Variants in SPAG17 observed in about 807,000 individuals in gnomAD.
The protein encoded by SPAG17 is sperm associated antigen 17, also known as sperm-associated antigen 17.
A neutral mutation model predicts 273.6 loss-of-function variants in SPAG17; 169 were observed. The ratio of observed to expected loss-of-function variants is 0.62; its 90% CI spans 0.55 to 0.70. The LOEUF is 0.70. Ranked by LOEUF, SPAG17 falls within the 30% of genes least tolerant of loss-of-function variation. The pLI is 0.00. For missense variants in SPAG17, 2,557 were observed against 2,627.8 expected, an observed-to-expected ratio of 0.97 and a Z score of 0.59; for synonymous variants, 825 against 873.2, an observed-to-expected ratio of 0.94 and a Z score of 0.97.
chr1:118,079,886 A>T (rs1654398456), intron 15 of SPAG17, among the ~76,000 whole-genome samples: 2 of 151,866 alleles, frequency 1.3e-5, no homozygotes, highest in African/African-American at 4.8e-5. Context: ...GTGTTGTTTA[A>T]TATGTTAAAT....
chr1:118,042,002 C>G lies in SPAG17; in HGVS notation c.2855G>C (p.Arg952Pro), dbSNP rs200995274. ...EEQHRLAEEE[R>P]LREEKKAEKK... ...CTCTGCTTTCTTTTCTTCCCTTAAG[C>G]GCTCCTCTTCTGCTAATCGATGTTG... Residue 952 changes from arginine (R) to proline (P), a missense_variant, in exon 21 of 49, where the codon CGC becomes CCC. Transcript: ENST00000336338. 52 of 1,613,608 alleles carry G rather than the reference C, an allele frequency of 3.2e-5. 1 individual carries two copies. The highest frequency in any genetic ancestry group is 4.2e-5 in the Non-Finnish European group (50 of 1,179,898).
At chr1:117,995,695 AACACACACAC>A (rs10570645) in intron 34 of SPAG17, among the ~76,000 whole-genome samples, 83 of 140,828 alleles carry the variant, frequency 5.9e-4, no homozygotes, top group Middle Eastern at 3.5e-3. Context: ...AAGATGAAAT[AACACACACAC>A]ACACACACAC....
intron 1 of SPAG17, among the ~76,000 whole-genome samples, chr1:118,155,234 A>G (rs1216842423): frequency 2.0e-5 from 3 of 152,208 alleles, no homozygotes; most frequent in Admixed American, 6.5e-5. Flanking sequence ...CTTACATAGT[A>G]GTCTCCTAAG....
In SPAG17 at chr1:118,137,771, G is replaced by A. The variant is rs577780741; in HGVS notation, c.315+12772C>T. ...ATTCATTCATTCAAATTAATATTGAGTGCCTATAATATGCACAGTACCTTT... is the reference window on the plus strand; with the variant it reads ...ATTCATTCATTCAAATTAATATTGAATGCCTATAATATGCACAGTACCTTT... On this transcript the variant is annotated intron_variant, in intron 3 of 48. Transcript: ENST00000336338. Among the ~76,000 whole-genome samples the A allele has an allele frequency of 4.6e-5, 7 of 152,124 alleles. No homozygotes were observed. In the South Asian group the frequency reaches 1.0e-3, roughly 23 times the overall value.
intron 18 of SPAG17, among the ~76,000 whole-genome samples, chr1:118,059,111 A>G (rs746591815): frequency 3.3e-5 from 5 of 152,188 alleles, no homozygotes; most frequent in Non-Finnish European, 7.4e-5. Context: ...AAATTACTCA[A>G]ATTGATTGAA....
chr1:117,969,253 T>C (rs1272622142), intron 46 of SPAG17, among the ~76,000 whole-genome samples: 1 of 152,154 alleles, frequency 6.6e-6, no homozygotes, highest in Non-Finnish European at 1.5e-5. Flanking sequence ...TTCAGAGATC[T>C]TTGGAGAAAT....
At chr1:118,176,365 A>C (rs900709156) in intron 1 of SPAG17, among the ~76,000 whole-genome samples, 1 of 152,204 alleles carries the variant, frequency 6.6e-6, no homozygotes, top group Non-Finnish European at 1.5e-5. Context: ...CCTGAAAGTG[A>C]AGAGGTATTT....
chr1:118,051,426 A>C (rs1650994599), intron 20 of SPAG17, among the ~76,000 whole-genome samples: 1 of 152,028 alleles, frequency 6.6e-6, no homozygotes, highest in African/African-American at 2.4e-5. Context: ...GTATCCTGAG[A>C]AGGTATCTGC....
intron 30 of SPAG17, among the ~76,000 whole-genome samples, chr1:118,010,494 G>A (rs1409875991): frequency 6.6e-6 from 1 of 152,170 alleles, no homozygotes; most frequent in Non-Finnish European, 1.5e-5. Flanking sequence ...ATGGTACTGA[G>A]ATAAATGGCT....
At chr1:118,074,202 A>C (rs143581975) in intron 16 of SPAG17, among the ~76,000 whole-genome samples, 57 of 152,120 alleles carry the variant, frequency 3.7e-4, no homozygotes, top group African/African-American at 1.4e-3. Flanking sequence ...TACTCTTCTG[A>C]GTCCTGTTAG....
intron 43 of SPAG17, among the ~76,000 whole-genome samples, chr1:117,976,425 T>C (rs991859692): frequency 3.9e-5 from 6 of 152,232 alleles, no homozygotes; most frequent in African/African-American, 1.4e-4. Context: ...CCATTGAGGA[T>C]GGCTTCCCTG....
chr1:118,025,558 A>G (rs1416251334), intron 26 of SPAG17, 142 bp from the exon 27 acceptor site: 4 of 676,684 alleles, frequency 5.9e-6, no homozygotes, highest in Non-Finnish European at 9.2e-6. Context: ...TCCAGGCTGG[A>G]GTGCAATGGT....
chr1:117,954,545 T>C, intron 48 of SPAG17: 1 of 1,607,692 alleles, frequency 6.2e-7, no homozygotes, highest in Non-Finnish European at 8.5e-7. Context: ...AAGTCTCAGT[T>C]TTTTTAATGA....
intron 35 of SPAG17, 118 bp from the exon 36 acceptor site, chr1:117,992,766 G>T: frequency 1.1e-6 from 1 of 898,204 alleles, no homozygotes; most frequent in African/African-American, 1.8e-5. Flanking sequence ...GGGACACAGT[G>T]GTGAAAAAAA....
chr1:117,969,220 G>T (rs569405593), intron 46 of SPAG17, among the ~76,000 whole-genome samples: 129 of 151,976 alleles, frequency 8.5e-4, no homozygotes, highest in Non-Finnish European at 1.5e-3. Context: ...GTCAGAACAG[G>T]TTGACATTTT....
intron 8 of SPAG17, among the ~76,000 whole-genome samples, chr1:118,092,582 CT>C (rs1201039431): frequency 2.0e-5 from 3 of 152,184 alleles, no homozygotes; most frequent in Admixed American, 2.0e-4. Context: ...TCCCTTTCCC[CT>C]ATCATGCTTT....
intron 4 of SPAG17, among the ~76,000 whole-genome samples, chr1:118,104,882 G>A (rs1360463688): frequency 1.3e-5 from 2 of 152,130 alleles, no homozygotes; most frequent in African/African-American, 4.8e-5. Flanking sequence ...TTGTTCAGTG[G>A]GTGAGTGGAT....
At chr1:118,089,650 A>C (rs1260960374) in intron 10 of SPAG17, among the ~76,000 whole-genome samples, 1 of 152,202 alleles carries the variant, frequency 6.6e-6, no homozygotes, top group Non-Finnish European at 1.5e-5. Flanking sequence ...GGAAGACGAC[A>C]ATGCAGAAAT....
chr1:117,962,882 A>C (rs74715265), intron 48 of SPAG17: 5,131 of 152,324 alleles, frequency 0.034, 117 homozygotes, highest in Non-Finnish European at 0.051. Context: ...CAGCCTTTTC[A>C]GGCCAGATTA....
Sources: gnomAD v4.1 joint callset for allele counts (sites outside exome capture counted in the v4.1 genomes callset) on GRCh38, gnomAD v4.1.1 for gene constraint, MANE v1.5 for transcripts, NCBI Gene and HGNC (gene_info 2026-07-23, HGNC 2026-07-21) for gene names.